Variants in IGF2BP1 observed in about 807,000 individuals in gnomAD.
IGF2BP1 encodes the protein insulin like growth factor 2 mRNA binding protein 1, also known as insulin-like growth factor 2 mRNA-binding protein 1.
Under a neutral mutation model 74.9 loss-of-function variants are expected in IGF2BP1, and 11 were observed. That is an observed-to-expected ratio of 0.15 (90% CI 0.09 to 0.24). The LOEUF is 0.24. Among genes scored for constraint, IGF2BP1 ranks in the 10% least tolerant of loss-of-function variants. IGF2BP1 has a pLI of 1.00. For missense variants in IGF2BP1, 440 were observed against 757.4 expected (o/e 0.58, Z 4.92); for synonymous variants, 287 against 281.8 (o/e 1.02, Z -0.18).
At chr17:49,019,907 TATATATATATATA>T (rs1567815616) in intron 2 of IGF2BP1, among the ~76,000 whole-genome samples, 8 of 16,544 alleles carry the variant, frequency 4.8e-4, no homozygotes, top group African/African-American at 3.4e-3. Flanking sequence ...GGCTAATTTA[TATATATATATATA>T]TATATATATA....
Position 49,042,215 on chromosome 17 carries a change from AG to A in IGF2BP1, c.942-25del, listed in dbSNP as rs1332766273. ...GGCCTGGTCCTGGCCTGCCAGTGAA[AG>A]GACACAACTCTGCTCTTTCTGCCAG... On this transcript the variant is annotated intron_variant, in intron 8 of 14. Coordinates refer to ENST00000290341, the MANE Select transcript of IGF2BP1 (RefSeq NM_006546.4). 5 of 1,613,716 alleles carry A rather than the reference AG, an allele frequency of 3.1e-6. No individual in the cohort carries two copies. In the South Asian group the frequency reaches 5.5e-5, roughly 18 times the overall value.
chr17:49,003,955 C>A (rs1430659735), intron 2 of IGF2BP1, among the ~76,000 whole-genome samples: 6 of 152,086 alleles, frequency 3.9e-5, no homozygotes, highest in Admixed American at 3.9e-4. Flanking sequence ...TGCCGGCCTT[C>A]CCTTCCCCTT....
rs1555603990 is a variant in IGF2BP1, at chr17:49,055,858, T to TTTTA, written c.*6414_*6415insTTTA. Among the ~76,000 whole-genome samples the TTTTA allele has an allele frequency of 6.7e-6, 1 of 149,196 alleles. No homozygotes were observed. The highest frequency in any genetic ancestry group is 6.7e-5 in the Admixed American group (1 of 14,962). ...ACAGTTTTTTTTTTTTTTTTTTTTT[T>TTTTA]AAATATGAGTGCTAGCTTATTCTGT... On this transcript the variant is annotated 3_prime_UTR_variant, in exon 15 of 15. Transcript: ENST00000290341.
chr17:49,038,567 C>G, intron 6 of IGF2BP1, 118 bp downstream of exon 6: 1 of 1,103,496 alleles, frequency 9.1e-7, no homozygotes, highest in African/African-American at 1.6e-5. Context: ...GAAATGTTGC[C>G]TGGAGCATTC....
intron 2 of IGF2BP1, among the ~76,000 whole-genome samples, chr17:49,016,056 CGCAT>C (rs2041697444): frequency 6.6e-6 from 1 of 152,220 alleles, no homozygotes; most frequent in Non-Finnish European, 1.5e-5. Context: ...AAATTAGAGC[CGCAT>C]GCAGTAAAAG....
intron 2 of IGF2BP1, among the ~76,000 whole-genome samples, chr17:49,024,157 C>T (rs2041825393): frequency 6.8e-6 from 1 of 147,170 alleles, no homozygotes; most frequent in South Asian, 2.2e-4. Context: ...TCTCCAACTC[C>T]TGACCTCAAG....
chr17:49,037,431 G>T, intron 5 of IGF2BP1: 1 of 396,900 alleles, frequency 2.5e-6, no homozygotes, highest in Non-Finnish European at 4.8e-6. Context: ...CCATAAGCCT[G>T]TAGGCAAATA....
At chr17:49,046,935 A>G (rs2042114295) in intron 14 of IGF2BP1, among the ~76,000 whole-genome samples, 1 of 152,194 alleles carries the variant, frequency 6.6e-6, no homozygotes. Context: ...GGCCAATATC[A>G]GGTTCAAATT....
rs1491495832 is a variant in IGF2BP1 at position 49,038,874 on chromosome 17, A to ATCTTTTTTTTTTTT, written c.683+426_683+427insCTTTTTTTTTTTTT. ...CTGCCACTGCCACCTTCTTTCTTTA[A>ATCTTTTTTTTTTTT]TATTTTTTTTTTTTTTTTTTTGAGA... On this transcript the variant is annotated intron_variant, in intron 6 of 14. Coordinates refer to ENST00000290341, the MANE Select transcript of IGF2BP1 (RefSeq NM_006546.4). 1.9e-3 allele frequency among the ~76,000 whole-genome samples: 140 copies of ATCTTTTTTTTTTTT among 75,266 alleles called. 4 individuals carry two copies. The highest frequency in any genetic ancestry group is 6.4e-3 in the African/African-American group (115 of 17,854). The allele number at this position is 75,266 out of a possible 152,430, so 49.4% of individuals were successfully genotyped here. A position where few individuals can be genotyped will look rare whatever the true frequency, so the allele number is the denominator to read the frequency against.
intron 2 of IGF2BP1, among the ~76,000 whole-genome samples, chr17:49,016,692 G>A (rs879562979): frequency 1.3e-5 from 2 of 151,988 alleles, no homozygotes; most frequent in African/African-American, 4.8e-5. Flanking sequence ...GGCTTTCTTC[G>A]TGGTGGTGGC....
intron 2 of IGF2BP1, among the ~76,000 whole-genome samples, chr17:49,008,613 T>C (rs1452075145): frequency 6.6e-6 from 1 of 152,214 alleles, no homozygotes; most frequent in Non-Finnish European, 1.5e-5. Context: ...GAGTAGTTTC[T>C]TTTAAACTTC....
intron 2 of IGF2BP1, among the ~76,000 whole-genome samples, chr17:48,999,853 T>C (rs1247119622): frequency 6.6e-6 from 1 of 151,396 alleles, no homozygotes; most frequent in African/African-American, 2.4e-5. Flanking sequence ...GGGGACCATC[T>C]GGGGTGAGAG....
chr17:49,035,012 T>C (rs2041970645), intron 5 of IGF2BP1, among the ~76,000 whole-genome samples: 2 of 152,152 alleles, frequency 1.3e-5, no homozygotes, highest in African/African-American at 4.8e-5. Flanking sequence ...AAGGAAGAAT[T>C]AAACTCCCGA....
intron 2 of IGF2BP1, among the ~76,000 whole-genome samples, chr17:49,006,589 G>T (rs1349426002): frequency 6.6e-6 from 1 of 152,206 alleles, no homozygotes; most frequent in Non-Finnish European, 1.5e-5. Context: ...CCATATAGCT[G>T]TGGTTAGCTC....
rs1395562680 is a variant in IGF2BP1, at chr17:49,050,567, A to G, written c.*1123A>G. 4 of 152,172 alleles carry G rather than the reference A, an allele frequency of 2.6e-5. No homozygotes were observed. The South Asian group carries it at 8.3e-4, about 32-fold the overall frequency. The allele number at this position is 152,172 out of a possible 1,614,324, so 9.4% of individuals were successfully genotyped here. The stretch of plus-strand genomic sequence containing the variant: ...CCTTGGTGGTGGGACTTGGAACCCA[A>G]CCCTGAGCTCCCGATAAAGCTAAAG... On this transcript the variant is annotated 3_prime_UTR_variant, in exon 15 of 15. Coordinates refer to ENST00000290341, the MANE Select transcript of IGF2BP1 (RefSeq NM_006546.4).
chr17:49,026,582 T>G (rs2041856647), intron 4 of IGF2BP1, 65 bp downstream of exon 4: 3 of 1,354,014 alleles, frequency 2.2e-6, no homozygotes, highest in Non-Finnish European at 3.2e-6. Context: ...GTGCATTTGT[T>G]CTGCTTCACT....
At position 48,997,527 on chromosome 17, in the gene IGF2BP1, G is replaced by C. The variant is rs1212832052; in HGVS notation, c.-219G>C. The C allele has an allele frequency of 2.3e-5, 12 of 520,628 alleles. No individual in the cohort carries two copies. Among genetic ancestry groups the C allele is most frequent in the Non-Finnish European group, 3.7e-5 (11 of 296,118 alleles). The allele number at this position is 520,628 out of a possible 1,614,324, so 32.3% of individuals were successfully genotyped here. A position where few individuals can be genotyped will look rare whatever the true frequency, so the allele number is the denominator to read the frequency against. Reference sequence around the variant, plus strand: ...TGTCGTCCGTCTCCCTGCGCGCCGCGGGCACTTCTCCTGGGCTCTCCCCGA... The same window carrying C: ...TGTCGTCCGTCTCCCTGCGCGCCGCCGGCACTTCTCCTGGGCTCTCCCCGA... On this transcript the variant is annotated 5_prime_UTR_variant, in exon 1 of 15. Coordinates refer to ENST00000290341, the MANE Select transcript of IGF2BP1 (RefSeq NM_006546.4). The surrounding 1 kb of genome is among the most constrained non-coding windows in gnomAD (Gnocchi z 4.8).
intron 2 of IGF2BP1, chr17:49,015,026 C>T: frequency 1.3e-6 from 1 of 764,768 alleles, no homozygotes; most frequent in Non-Finnish European, 1.6e-6. Flanking sequence ...CCCCGAGTGC[C>T]TGAGCGTGTG....
Position 48,997,666 on chromosome 17 carries a change from CT to C in IGF2BP1, c.-79del. On this transcript the variant is annotated 5_prime_UTR_variant, in exon 1 of 15. Coordinates refer to ENST00000290341, the MANE Select transcript of IGF2BP1 (RefSeq NM_006546.4). This position sits in a 1 kb window ranked among gnomAD's most constrained non-coding sequence, Gnocchi z 4.8. Reference sequence around the variant, plus strand: ...CGGCTCCTGCCGCCGGCCTCTCCGCCTCTTGGCCTAGGAGGCTCGCCGCCCG... The same window carrying C: ...CGGCTCCTGCCGCCGGCCTCTCCGCCCTTGGCCTAGGAGGCTCGCCGCCCG... 6.8e-7 allele frequency: 1 copy of C among 1,478,486 alleles called. No homozygotes were observed. The highest frequency in any genetic ancestry group is 9.2e-7 in the Non-Finnish European group (1 of 1,084,196). The allele number at this position is 1,478,486 out of a possible 1,614,324, so 91.6% of individuals were successfully genotyped here. A position where few individuals can be genotyped will look rare whatever the true frequency, so the allele number is the denominator to read the frequency against.
Sources: gnomAD v4.1 joint callset for allele counts (sites outside exome capture counted in the v4.1 genomes callset) on GRCh38, gnomAD v4.1.1 for gene constraint, Gnocchi (gnomAD v3.1) non-coding constraint, MANE v1.5 for transcripts, NCBI Gene and HGNC (gene_info 2026-07-23, HGNC 2026-07-21) for gene names.